CLASP1: variants seen among roughly 807,000 people sequenced by gnomAD.
CLASP1 encodes cytoplasmic linker associated protein 1, also known as CLIP-associating protein 1.
CLASP1 carries 38 observed loss-of-function variants against 192.3 expected under a neutral mutation model. The observed-to-expected ratio is 0.20, with a 90% confidence interval of 0.15 to 0.26. The LOEUF (loss-of-function observed/expected upper bound fraction) is 0.26, where lower values mean the gene tolerates loss of function less well. Among genes scored for constraint, CLASP1 ranks in the 10% least tolerant of loss-of-function variants. The pLI is 1.00. For missense variants in CLASP1, 1,433 were observed against 1,932.5 expected, an observed-to-expected ratio of 0.74 and a Z score of 4.85; for synonymous variants, 691 against 712.8, an observed-to-expected ratio of 0.97 and a Z score of 0.49.
intron 1 of CLASP1, among the ~76,000 whole-genome samples, chr2:121,612,243 G>A (rs935358135): frequency 6.7e-6 from 1 of 149,320 alleles, no homozygotes; most frequent in Non-Finnish European, 1.5e-5. Flanking sequence ...AGGAAGAGGA[G>A]CATGAGGAGG....
intron 6 of CLASP1, among the ~76,000 whole-genome samples, chr2:121,517,819 C>A (rs1343621483): frequency 6.9e-6 from 1 of 143,970 alleles, no homozygotes; most frequent in African/African-American, 2.6e-5. Flanking sequence ...TATAATCCTA[C>A]CACCACACTC....
chr2:121,347,132 C>G, exon 39 of CLASP1: 1 of 1,578,006 alleles, frequency 6.3e-7, no homozygotes, highest in African/African-American at 1.3e-5. Context: ...CTTACGCACA[C>G]TACTTTCGGT....
At chr2:121,379,452 T>A (rs1558953230) in intron 33 of CLASP1, among the ~76,000 whole-genome samples, 1 of 152,178 alleles carries the variant, frequency 6.6e-6, no homozygotes, top group Non-Finnish European at 1.5e-5. Flanking sequence ...GCTCCCCCGC[T>A]CCTTCTGAGG....
rs1559369075 is a variant in CLASP1 at position 121,478,893 on chromosome 2, ACACACAC to A, written c.713-8940_713-8934del. Among the ~76,000 whole-genome samples the A allele has an allele frequency of 3.1e-3, 137 of 43,908 alleles. 1 individual carries two copies. Among genetic ancestry groups the A allele is most frequent in the Admixed American group, 5.4e-3 (20 of 3,682 alleles). 28.8% of individuals were successfully genotyped at this position (43,908 alleles called of 152,430 possible). A position where few individuals can be genotyped will look rare whatever the true frequency, so the allele number is the denominator to read the frequency against. On this transcript the variant is annotated intron_variant, in intron 8 of 39. Transcript: ENST00000263710. Reference sequence around the variant, plus strand: ...ACACCACACCACACACACACCACACACACACACCACACCACACACACCACACACACAC... The same window carrying A: ...ACACCACACCACACACACACCACACACACACCACACACACCACACACACAC...
At chr2:121,552,392 G>A (rs916231227) in intron 2 of CLASP1, among the ~76,000 whole-genome samples, 15 of 152,150 alleles carry the variant, frequency 9.9e-5, no homozygotes, top group African/African-American at 3.6e-4. Flanking sequence ...ATTATCAACA[G>A]AGTAAATAGA....
chr2:121,377,554 C>T (rs1201974027), exon 34 of CLASP1: 37 of 1,600,440 alleles, frequency 2.3e-5, no homozygotes, highest in Non-Finnish European at 3.1e-5. Flanking sequence ...ATCTTCTTGG[C>T]TTCGAAAACT....
intron 19 of CLASP1, among the ~76,000 whole-genome samples, chr2:121,432,692 AG>A (rs1458693607): frequency 6.6e-6 from 1 of 152,124 alleles, no homozygotes; most frequent in Non-Finnish European, 1.5e-5. Context: ...CAATTTTTAT[AG>A]ACTTATTTAA....
intron 8 of CLASP1, among the ~76,000 whole-genome samples, chr2:121,476,021 T>C (rs903572070): frequency 3.9e-5 from 6 of 152,214 alleles, no homozygotes; most frequent in Admixed American, 1.3e-4. Context: ...AGTGATACTA[T>C]AATTTTCATC....
chr2:121,392,750 T>G lies in CLASP1; in HGVS notation c.3123+4390A>C, dbSNP rs76151116. Among the ~76,000 whole-genome samples, 122 of 152,282 alleles carry G rather than the reference T, an allele frequency of 8.0e-4. No individual in the cohort carries two copies. In the East Asian group the frequency reaches 0.022, roughly 27 times the overall value. ...TATTATCTTACATCAACACAGTGCA[T>G]TAAGAAAGGTCTAGTGTACGTCTGC... On this transcript the variant is annotated intron_variant, in intron 30 of 39. Coordinates refer to ENST00000263710, the Ensembl canonical transcript of CLASP1.
chr2:121,590,233 C>T (rs1207618392), intron 2 of CLASP1, among the ~76,000 whole-genome samples: 6 of 152,212 alleles, frequency 3.9e-5, no homozygotes, highest in East Asian at 3.9e-4. Flanking sequence ...GGCAATCTGC[C>T]GAACTTTGAA....
At chr2:121,409,542 T>A (rs2077390175) in intron 24 of CLASP1, among the ~76,000 whole-genome samples, 1 of 152,170 alleles carries the variant, frequency 6.6e-6, no homozygotes, top group Non-Finnish European at 1.5e-5. Context: ...AAGCCAAAGC[T>A]CAAACTCTCA....
chr2:121,443,751 T>C (rs1390222053), intron 19 of CLASP1, among the ~76,000 whole-genome samples: 1 of 152,182 alleles, frequency 6.6e-6, no homozygotes, highest in East Asian at 1.9e-4. Flanking sequence ...GTGAAGGACC[T>C]AAGAGTATTT....
chr2:121,482,222 C>A (rs1559382737), intron 8 of CLASP1, among the ~76,000 whole-genome samples: 1 of 152,176 alleles, frequency 6.6e-6, no homozygotes, highest in African/African-American at 2.4e-5. Context: ...GGGCAAGGAA[C>A]TCCTGACAGG....
chr2:121,539,903 G>C (rs1214790271), intron 2 of CLASP1, among the ~76,000 whole-genome samples: 1 of 152,180 alleles, frequency 6.6e-6, no homozygotes, highest in Non-Finnish European at 1.5e-5. Context: ...CAAATTAAAT[G>C]AGACACTACC....
intron 1 of CLASP1, among the ~76,000 whole-genome samples, chr2:121,610,993 G>T (rs565896997): frequency 6.8e-6 from 1 of 147,430 alleles, no homozygotes; most frequent in East Asian, 2.1e-4. Flanking sequence ...GGAACTGGAG[G>T]AGGAGGAGTT....
At chr2:121,606,586 T>TA (rs991701018) in intron 1 of CLASP1, among the ~76,000 whole-genome samples, 35 of 151,434 alleles carry the variant, frequency 2.3e-4, no homozygotes, top group East Asian at 1.7e-3. Context: ...CTCAGTCTTC[T>TA]AAAAAAAAAC....
At chr2:121,631,572 C>T (rs2069664491) in intron 1 of CLASP1, among the ~76,000 whole-genome samples, 1 of 152,000 alleles carries the variant, frequency 6.6e-6, no homozygotes, top group Admixed American at 6.5e-5. Flanking sequence ...AGGCGTAAGC[C>T]ACCAAGCCCG....
chr2:121,410,936 G>C (rs913069284), exon 24 of CLASP1: 1 of 1,611,018 alleles, frequency 6.2e-7, no homozygotes, highest in Non-Finnish European at 8.5e-7. Flanking sequence ...CACAGAACCA[G>C]GTATTCTTCC....
chr2:121,538,396 G>C (rs1683022405), intron 2 of CLASP1, among the ~76,000 whole-genome samples: 1 of 151,040 alleles, frequency 6.6e-6, no homozygotes, highest in Admixed American at 6.6e-5. Context: ...TGGGTGATAA[G>C]AGCAAAACTC....
Sources: allele counts gnomAD v4.1 joint callset (sites outside exome capture counted in the v4.1 genomes callset), GRCh38; gene constraint gnomAD v4.1.1; transcripts MANE v1.5; gene names NCBI Gene and HGNC (gene_info 2026-07-23, HGNC 2026-07-21).